The following KDM4C variants were observed in gnomAD, a reference collection of about 807,000 sequenced individuals.
KDM4C encodes the protein lysine-specific demethylase 4C.
In KDM4C, 81 loss-of-function variants were observed where a neutral mutation model predicts 129.3. That is an observed-to-expected ratio of 0.63 (90% confidence interval 0.52 to 0.75). The LOEUF (loss-of-function observed/expected upper bound fraction) is 0.75. KDM4C is among the 30% of genes least tolerant of loss of function. The pLI, the probability that KDM4C is intolerant of heterozygous loss-of-function variation, is 0.00. For missense variants in KDM4C, 1,457 were observed against 1,304.0 expected, an observed-to-expected ratio of 1.12 and a Z score of -1.81; for synonymous variants, 573 against 456.1, an observed-to-expected ratio of 1.26 and a Z score of -3.26.
intron 1 of KDM4C, among the ~76,000 whole-genome samples, chr9:6,773,920 T>A (rs1202197824): frequency 6.6e-6 from 1 of 152,046 alleles, no homozygotes; most frequent in South Asian, 2.1e-4. Context: ...TTTTATTTAT[T>A]TTTATTATTT....
chr9:6,754,879 GTAAAA>G (rs1563929999), upstream of KDM4C, among the ~76,000 whole-genome samples: 2 of 51,070 alleles, frequency 3.9e-5, no homozygotes, highest in Non-Finnish European at 3.8e-5. Flanking sequence ...CTGTCTCAAA[GTAAAA>G]AAAAAAAAAA....
At chr9:6,920,558 A>G (rs534001762) in intron 8 of KDM4C, among the ~76,000 whole-genome samples, 1 of 151,448 alleles carries the variant, frequency 6.6e-6, no homozygotes, top group African/African-American at 2.4e-5. Flanking sequence ...ACAAGAAAAA[A>G]AAAATTAATT....
chr9:6,779,667 C>G (rs1823895650), intron 1 of KDM4C, among the ~76,000 whole-genome samples: 1 of 152,196 alleles, frequency 6.6e-6, no homozygotes, highest in African/African-American at 2.4e-5. Context: ...CTCTTGCAAC[C>G]TTCAACAGTG....
intron 17 of KDM4C, among the ~76,000 whole-genome samples, chr9:7,068,994 G>A (rs1429929609): frequency 6.6e-6 from 1 of 152,000 alleles, no homozygotes; most frequent in Non-Finnish European, 1.5e-5. Flanking sequence ...ACCGCGCCTG[G>A]CCTATGATGC....
chr9:6,989,960 T>C (rs1439761859), intron 11 of KDM4C, among the ~76,000 whole-genome samples: 5 of 151,768 alleles, frequency 3.3e-5, no homozygotes, highest in African/African-American at 1.2e-4. Context: ...TTTTAAATTA[T>C]TGACACAGAG....
In KDM4C at chr9:7,103,689, G is replaced by C; in HGVS notation, c.2429G>C (p.Cys810Ser). Residue 810 changes from cysteine (C) to serine (S), a missense_variant, in exon 18 of 22, where the codon TGC (cysteine) becomes TCC (serine). Physicochemically the swap from Cys to Ser is moderately radical, Grantham distance 112. Transcript: ENST00000381309. ...TTCTCTGTTTTAACCTTCCAGAAAT[G>C]CATCTTCTGCAGACACCGGGTTAAG... ...RIPLQRLKLK[C>S]IFCRHRVKRV... 6.3e-7 allele frequency: 1 copy of C among 1,590,056 alleles called. No homozygotes were observed. Among genetic ancestry groups the C allele is most frequent in the Non-Finnish European group, 8.6e-7 (1 of 1,164,836 alleles).
intron 8 of KDM4C, among the ~76,000 whole-genome samples, chr9:6,938,955 G>C (rs550217417): frequency 6.3e-4 from 96 of 152,066 alleles, no homozygotes; most frequent in African/African-American, 2.3e-3. Flanking sequence ...TATATTTGTT[G>C]TTCTGTCTGT....
chr9:6,725,764 C>T, intron 1 of KDM4C, among the ~76,000 whole-genome samples: 1 of 143,068 alleles, frequency 7.0e-6, no homozygotes, highest in Non-Finnish European at 1.5e-5. Flanking sequence ...GGCTGGAGTG[C>T]AGTGGTGCGA....
chr9:7,151,568 G>A (rs1842733521), intron 19 of KDM4C, among the ~76,000 whole-genome samples: 1 of 152,152 alleles, frequency 6.6e-6, no homozygotes, highest in Non-Finnish European at 1.5e-5. Context: ...TCAGCTATTT[G>A]GGAGGCTGAG....
intron 11 of KDM4C, among the ~76,000 whole-genome samples, chr9:6,987,194 C>G (rs1244260762): frequency 6.6e-6 from 1 of 152,180 alleles, no homozygotes; most frequent in East Asian, 1.9e-4. Context: ...AGTGTCAGGA[C>G]TCACGTGGTC....
intron 5 of KDM4C, among the ~76,000 whole-genome samples, chr9:6,873,256 G>C (rs1484685326): frequency 6.6e-6 from 1 of 152,122 alleles, no homozygotes; most frequent in East Asian, 1.9e-4. Context: ...CTCGGCCTGG[G>C]ATTACAGGTG....
chr9:6,887,824 A>G (rs1845520841), intron 6 of KDM4C, 136 bp from the exon 7 acceptor site: 2 of 575,064 alleles, frequency 3.5e-6, no homozygotes, highest in South Asian at 2.0e-5. Flanking sequence ...GTTTTAGTAC[A>G]AGGGCTTTTT....
At position 6,729,060 on chromosome 9, in the gene KDM4C, C is replaced by T. The variant is rs1167363716; in HGVS notation, c.49+8063C>T. 4.0e-5 allele frequency among the ~76,000 whole-genome samples: 6 copies of T among 151,148 alleles called. No individual in the cohort carries two copies. The East Asian group carries it at 1.2e-3, about 29-fold the overall frequency. ...CTCTACTAAAAATACAAAAAATTAG[C>T]CGGGTGAGGTGGTGGGTGTCTGTAA... On this transcript the variant is annotated intron_variant, in intron 1 of 17. Coordinates refer to the KDM4C transcript ENST00000536108.
At chr9:6,934,524 T>G (rs1390068984) in intron 8 of KDM4C, among the ~76,000 whole-genome samples, 4 of 138,188 alleles carry the variant, frequency 2.9e-5, no homozygotes, top group Non-Finnish European at 6.5e-5. Flanking sequence ...AAATACCAAC[T>G]TATATCCTCT....
At chr9:7,129,595 G>A (rs147210363) in intron 19 of KDM4C, among the ~76,000 whole-genome samples, 1 of 152,090 alleles carries the variant, frequency 6.6e-6, no homozygotes, top group Non-Finnish European at 1.5e-5. Flanking sequence ...ACCACACTAG[G>A]TGCTGGAAAC....
intron 17 of KDM4C, among the ~76,000 whole-genome samples, chr9:7,056,146 C>CA (rs1830833900): frequency 6.6e-6 from 1 of 151,944 alleles, no homozygotes; most frequent in Non-Finnish European, 1.5e-5. Flanking sequence ...TTAATGTGCA[C>CA]AAAAAGTGCT....
intron 8 of KDM4C, among the ~76,000 whole-genome samples, chr9:6,934,678 G>C (rs1824415901): frequency 6.6e-6 from 1 of 151,654 alleles, no homozygotes; most frequent in South Asian, 2.1e-4. Flanking sequence ...TGGCCAGGAT[G>C]GTCTCAATCT....
intron 1 of KDM4C, among the ~76,000 whole-genome samples, chr9:6,777,639 A>T (rs886710153): frequency 2.0e-5 from 3 of 150,560 alleles, no homozygotes; most frequent in African/African-American, 7.3e-5. Flanking sequence ...TGAAGTTAAA[A>T]TTTTTTTTTT....
intron 3 of KDM4C, among the ~76,000 whole-genome samples, chr9:6,811,687 C>G (rs1156644845): frequency 6.6e-6 from 1 of 152,192 alleles, no homozygotes; most frequent in Non-Finnish European, 1.5e-5. Flanking sequence ...GCCCTCACAA[C>G]AAGCTTCCTG....
Sources: allele counts gnomAD v4.1 joint callset (sites outside exome capture counted in the v4.1 genomes callset), GRCh38; gene constraint gnomAD v4.1.1; transcripts MANE v1.5; gene names NCBI Gene and HGNC (gene_info 2026-07-23, HGNC 2026-07-21).